CSNK1E: variants seen among roughly 807,000 people sequenced by gnomAD.
CSNK1E encodes casein kinase 1 epsilon, also known as casein kinase I isoform epsilon.
A neutral mutation model predicts 46.1 loss-of-function variants in CSNK1E; 17 were observed. The ratio of observed to expected loss-of-function variants is 0.37; its 90% confidence interval spans 0.25 to 0.55. The LOEUF is 0.55. Among genes scored for constraint, CSNK1E ranks in the 20% least tolerant of loss-of-function variants. The pLI is 0.82. For missense variants in CSNK1E, 386 were observed against 595.4 expected (o/e 0.65, Z 3.66); for synonymous variants, 241 against 242.6 (o/e 0.99, Z 0.06).
In CSNK1E at chr22:38,291,268, A is replaced by ACGGGAATT. The variant is rs2092608139; in HGVS notation, c.*695_*702dup. ...TGTCCTTGTTAGTAGACACAGGAGA[A>ACGGGAATT]CGGGAATTCGGGCTGGCAGGCGGGG... is the stretch of plus-strand genomic sequence containing the variant. On this transcript the variant is annotated 3_prime_UTR_variant, in exon 11 of 11. Transcript: ENST00000396832. 6.5e-6 allele frequency: 1 copy of ACGGGAATT among 152,756 alleles called. No individual in the cohort carries two copies. Among genetic ancestry groups the ACGGGAATT allele is most frequent in the Non-Finnish European group, 1.5e-5 (1 of 68,592 alleles). 9.5% of individuals were successfully genotyped at this position (152,756 alleles called of 1,614,324 possible).
At chr22:38,313,569 A>G (rs2092730120) in intron 2 of CSNK1E, among the ~76,000 whole-genome samples, 1 of 152,222 alleles carries the variant, frequency 6.6e-6, no homozygotes, top group Admixed American at 6.5e-5. Context: ...AGAGAGAGAG[A>G]GAACTCCCTA....
At position 38,293,310 on chromosome 22, in the gene CSNK1E, G is replaced by A. The variant is rs1409199773; in HGVS notation, c.1228C>T (p.Pro410Ser). ...SRIPASQTSV[P>S]FDHLGK ...CCTCACTTCCCGAGATGGTCAAATGGCACACTTGTCTTTTGAGGGTGGGGA... is the reference window on the plus strand; with the variant it reads ...CCTCACTTCCCGAGATGGTCAAATGACACACTTGTCTTTTGAGGGTGGGGA... The change falls in exon 10 of 11, where the codon CCA becomes TCA. Residue 410 changes from proline (P) to serine (S), a missense_variant. Transcript: ENST00000396832. The A allele has an allele frequency of 6.2e-7, 1 of 1,610,280 alleles. No individual in the cohort carries two copies. Among genetic ancestry groups the A allele is most frequent in the Non-Finnish European group, 8.5e-7 (1 of 1,177,730 alleles).
rs1555906547 is a variant in CSNK1E at position 38,291,338 on chromosome 22, C to CACA, written c.*632_*633insTGT. 1 of 147,930 alleles carries CACA rather than the reference C, an allele frequency of 6.8e-6. No homozygotes were observed. The highest frequency in any genetic ancestry group is 2.5e-5 in the African/African-American group (1 of 40,096). The allele number at this position is 147,930 out of a possible 1,614,324, so 9.2% of individuals were successfully genotyped here. A position where few individuals can be genotyped will look rare whatever the true frequency, so the allele number is the denominator to read the frequency against. ...TCTTGGGAAACACAGGTCAATACATCCACACACACACACACACACACACAC... is the reference window on the plus strand; with the variant it reads ...TCTTGGGAAACACAGGTCAATACATCACACACACACACACACACACACACACAC... On this transcript the variant is annotated 3_prime_UTR_variant, in exon 11 of 11. Coordinates refer to ENST00000396832, the MANE Select transcript of CSNK1E (RefSeq NM_152221.3).
At chr22:38,302,618 G>C (rs1425312966) in intron 4 of CSNK1E, among the ~76,000 whole-genome samples, 1 of 152,250 alleles carries the variant, frequency 6.6e-6, no homozygotes, top group Non-Finnish European at 1.5e-5. Flanking sequence ...GGCTGAGGCA[G>C]GAGAATCGCG....
intron 9 of CSNK1E, 34 bp from the exon 10 acceptor site, chr22:38,293,353 A>G: frequency 7.4e-7 from 1 of 1,353,812 alleles, no homozygotes; most frequent in Non-Finnish European, 1.1e-6. Flanking sequence ...AGGGGGAGGG[A>G]GAGAGAGGGA....
chr22:38,314,144 A>G lies in CSNK1E; in HGVS notation c.14T>C (p.Val5Ala). The G allele has an allele frequency of 6.2e-7, 1 of 1,614,066 alleles. No individual in the cohort carries two copies. MELRVGNKYRLGRKI... is the reference protein window; with the variant it reads MELRAGNKYRLGRKI... ...CCGTCCCAGGCGGTACTTGTTCCCC[A>G]CACGTAGCTCCATGGCTCACTCTTG... is the stretch of plus-strand genomic sequence containing the variant. Residue 5 changes from valine (V) to alanine (A), a missense_variant, in exon 2 of 11, where the codon GTG becomes GCG. This residue lies in a region of CSNK1E where 212 missense variants were observed against 410.2 expected (regional missense o/e 0.52). Transcript: ENST00000396832.
At chr22:38,315,599 A>T (rs2092740948) in intron 1 of CSNK1E, among the ~76,000 whole-genome samples, 2 of 151,984 alleles carry the variant, frequency 1.3e-5, no homozygotes, top group Non-Finnish European at 2.9e-5. Context: ...CGGAAGAAAG[A>T]AAAGCAGGCA....
intron 4 of CSNK1E, 72 bp downstream of exon 4, chr22:38,302,788 TG>T: frequency 1.3e-6 from 2 of 1,572,572 alleles, no homozygotes; most frequent in South Asian, 1.1e-5. Context: ...TGGCATCCTC[TG>T]GGGGCAGGAG....
chr22:38,314,301 A>T, intron 1 of CSNK1E, 132 bp from the exon 2 acceptor site: 1 of 669,372 alleles, frequency 1.5e-6, no homozygotes. Flanking sequence ...TGCAGGTGTC[A>T]GGTGGCCCAC....
chr22:38,303,394 GGGCAAAGGAGCCCC>G lies in CSNK1E; in HGVS notation c.77-160_77-147del, dbSNP rs2092683862. 1.2e-5 allele frequency: 8 copies of G among 675,830 alleles called. No individual in the cohort carries two copies. The highest frequency in any genetic ancestry group is 9.6e-5 in the South Asian group (5 of 51,954). The allele number at this position is 675,830 out of a possible 1,614,324, so 41.9% of individuals were successfully genotyped here. ...GAGCTCTTGGGGGAGGCTGGGAAGG[GGGCAAAGGAGCCCC>G]GGCAAAGGGTTCCTGAGGGGAAAGA... On this transcript the variant is annotated intron_variant, in intron 2 of 10. Coordinates refer to ENST00000396832, the MANE Select transcript of CSNK1E (RefSeq NM_152221.3). The surrounding 1 kb of genome is among the most constrained non-coding windows in gnomAD (Gnocchi z 4.7).
chr22:38,305,121 CAAAAAAAAAAAAAAAAA>C (rs33987200), intron 2 of CSNK1E, among the ~76,000 whole-genome samples: 1 of 52,800 alleles, frequency 1.9e-5, no homozygotes, highest in Non-Finnish European at 3.3e-5. Flanking sequence ...AACTCCAGCT[CAAAAAAAAAAAAAAAAA>C]AAAAAAAAAG....
chr22:38,296,724 G>C (rs761256629), intron 7 of CSNK1E: 1 of 1,602,538 alleles, frequency 6.2e-7, no homozygotes, highest in South Asian at 1.1e-5. Context: ...AGACAGTCTT[G>C]TGAGACTCCA....
chr22:38,314,534 C>A (rs1358531026), intron 1 of CSNK1E, among the ~76,000 whole-genome samples: 1 of 152,184 alleles, frequency 6.6e-6, no homozygotes, highest in Non-Finnish European at 1.5e-5. Context: ...ACTGCCCCTG[C>A]CCAGAGGCCA....
chr22:38,294,040 C>T lies in CSNK1E; in HGVS notation c.1218+69G>A. 3.9e-6 allele frequency: 6 copies of T among 1,541,900 alleles called. No individual in the cohort carries two copies. The highest frequency in any genetic ancestry group is 5.3e-6 in the Non-Finnish European group (6 of 1,139,026). On this transcript the variant is annotated intron_variant, in intron 9 of 10. Coordinates refer to ENST00000396832, the MANE Select transcript of CSNK1E (RefSeq NM_152221.3). This position sits in a 1 kb window ranked among gnomAD's most constrained non-coding sequence, Gnocchi z 5.5. ...GGAAAGGGAAGAACAGAGCCACGGC[C>T]TGACCTCCCACTGGGGGGTCTCTAA...
chr22:38,303,066 C>T lies in CSNK1E; in HGVS notation c.188-57G>A. 1 of 1,602,540 alleles carries T rather than the reference C, an allele frequency of 6.2e-7. No individual in the cohort carries two copies. Among genetic ancestry groups the T allele is most frequent in the Non-Finnish European group, 8.5e-7 (1 of 1,174,754 alleles). On this transcript the variant is annotated intron_variant, in intron 3 of 10. Transcript: ENST00000396832. This position sits in a 1 kb window ranked among gnomAD's most constrained non-coding sequence, Gnocchi z 4.7. ...GTCAGAGGCAGGCAGCCAGCCACGC[C>T]CGGCCCACCCTGTGCTCATGGCTGC...
chr22:38,303,246 C>A lies in CSNK1E; in HGVS notation c.79G>T (p.Ala27Ser). 1 of 1,600,814 alleles carries A rather than the reference C, an allele frequency of 6.2e-7. No individual in the cohort carries two copies. The highest frequency in any genetic ancestry group is 8.5e-7 in the Non-Finnish European group (1 of 1,174,604). The change falls in exon 3 of 11, where the codon GCC (alanine) becomes TCC (serine). Residue 27 changes from alanine to serine, a missense_variant and splice_region_variant. Physicochemically the swap from Ala to Ser is moderately conservative, Grantham distance 99. This residue lies in a region of CSNK1E where 212 missense variants were observed against 410.2 expected (regional missense o/e 0.52). Transcript: ENST00000396832. The surrounding 1 kb of genome is among the most constrained non-coding windows in gnomAD (Gnocchi z 4.7). ...ACTTCCTCACCAGAGGCGATGTTGG[C>A]ACCTGCCCGGGGCAGGGAGGCAAGG... ...SGSFGDIYLGANIASGEEVAI... is the reference protein window; with the variant it reads ...SGSFGDIYLGSNIASGEEVAI...
rs1192327484 is a variant in CSNK1E at position 38,303,525 on chromosome 22, G to A, written c.77-277C>T. 1.3e-5 allele frequency among the ~76,000 whole-genome samples: 2 copies of A among 152,224 alleles called. No individual in the cohort carries two copies. The highest frequency in any genetic ancestry group is 2.9e-5 in the Non-Finnish European group (2 of 68,040). ...AGAAGGCCCGATGTGAGTGGGGCAA[G>A]GGTCAGGTATGCAAAAGGCTCACAG... is the stretch of plus-strand genomic sequence containing the variant. On this transcript the variant is annotated intron_variant, in intron 2 of 10. Transcript: ENST00000396832. The surrounding 1 kb of genome is among the most constrained non-coding windows in gnomAD (Gnocchi z 4.7).
chr22:38,312,903 G>A (rs2092727283), intron 2 of CSNK1E, among the ~76,000 whole-genome samples: 1 of 152,224 alleles, frequency 6.6e-6, no homozygotes, highest in East Asian at 1.9e-4. Flanking sequence ...CATGTGGAGG[G>A]CTGTGGGCAT....
chr22:38,294,440 G>T lies in CSNK1E; in HGVS notation c.980C>A (p.Ala327Asp). The T allele has an allele frequency of 1.3e-6, 2 of 1,569,264 alleles. No homozygotes were observed. Among genetic ancestry groups the T allele is most frequent in the South Asian group, 1.2e-5 (1 of 86,252 alleles). ...CCCCGTGGGTGGGCCAGGGGGCAGG[G>T]CTCGGGTCGCGGACCCCCGTAGCTG... ...MGQLRGSATRALPPGPPTGAT... is the reference protein window; with the variant it reads ...MGQLRGSATRDLPPGPPTGAT... The change falls in exon 8 of 11, where the codon GCC becomes GAC. Residue 327 changes from alanine to aspartate, a missense_variant. Physicochemically the swap from Ala to Asp is moderately radical, Grantham distance 126. This residue lies in a region of CSNK1E where 174 missense variants were observed against 185.2 expected (regional missense o/e 0.94). Coordinates refer to ENST00000396832, the MANE Select transcript of CSNK1E (RefSeq NM_152221.3). The surrounding 1 kb of genome is among the most constrained non-coding windows in gnomAD (Gnocchi z 5.5).
Sources: allele counts gnomAD v4.1 joint callset (sites outside exome capture counted in the v4.1 genomes callset), GRCh38; gene constraint gnomAD v4.1.1; regional missense constraint gnomAD v4.1.1; non-coding constraint Gnocchi (gnomAD v3.1); transcripts MANE v1.5; gene names NCBI Gene and HGNC (gene_info 2026-07-23, HGNC 2026-07-21).